The following SLC35A3 variants were observed in gnomAD, a reference collection of about 807,000 sequenced individuals.
The protein encoded by SLC35A3 is solute carrier family 35 member A3.
A neutral mutation model predicts 39.0 loss-of-function variants in SLC35A3; 26 were observed. That is an observed-to-expected ratio of 0.67 (90% CI 0.49 to 0.92). The LOEUF (loss-of-function observed/expected upper bound fraction) is 0.92, where lower values mean the gene tolerates loss of function less well. SLC35A3 is among the 40% of genes least tolerant of loss of function. The probability of loss-of-function intolerance (pLI) is 0.00; values close to 1 mark genes in which losing one functional copy is unlikely to be tolerated. For synonymous variants in SLC35A3, 135 were observed against 133.1 expected (o/e 1.01, Z -0.10); for missense variants, 299 against 371.6 (o/e 0.80, Z 1.61).
chr1:100,018,589 G>A (rs1197010030), intron 7 of SLC35A3, among the ~76,000 whole-genome samples: 1 of 152,026 alleles, frequency 6.6e-6, no homozygotes, highest in Non-Finnish European at 1.5e-5. Flanking sequence ...CAGTGCAGTG[G>A]CGTGATCGTA....
chr1:100,002,532 C>G (rs144884550), intron 3 of SLC35A3, among the ~76,000 whole-genome samples: 2,043 of 151,986 alleles, frequency 0.013, 18 homozygotes, highest in Middle Eastern at 0.058. Context: ...TTTTATTTAT[C>G]TTTTCATGAA....
chr1:99,983,780 G>A (rs1442175147), intron 1 of SLC35A3, among the ~76,000 whole-genome samples: 1 of 151,594 alleles, frequency 6.6e-6, no homozygotes, highest in Non-Finnish European at 1.5e-5. Flanking sequence ...CGCCCACCAC[G>A]CCTGGCTAAT....
At position 100,025,805 on chromosome 1, in the gene SLC35A3, T is replaced by C. The variant is rs1371523003; in HGVS notation, c.*3329T>C. The C allele has an allele frequency of 6.6e-6, 1 of 152,190 alleles. No individual in the cohort carries two copies. The highest frequency in any genetic ancestry group is 1.5e-5 in the Non-Finnish European group (1 of 68,012). 9.4% of individuals were successfully genotyped at this position (152,190 alleles called of 1,614,324 possible). A position where few individuals can be genotyped will look rare whatever the true frequency, so the allele number is the denominator to read the frequency against. On this transcript the variant is annotated 3_prime_UTR_variant, in exon 8 of 8. Transcript: ENST00000533028. Reference sequence around the variant, plus strand: ...TTTTTATTTGTTATCACGCAACTACTTTGTTCAATGTGAAAATGTGCTAAC... The same window carrying C: ...TTTTTATTTGTTATCACGCAACTACCTTGTTCAATGTGAAAATGTGCTAAC...
chr1:100,007,132 G>A lies in SLC35A3; in HGVS notation c.441G>A (p.Leu147=). The change falls in exon 4 of 8, where the codon TTG becomes TTA. Residue 147 remains leucine, a synonymous_variant. Coordinates refer to ENST00000533028, the MANE Select transcript of SLC35A3 (RefSeq NM_012243.3). ...ACCAGTGGCTGTCCCTAGTAATTTT[G>A]ATGACAGGAGTTGCTTTTGTACAGG... The part of the protein sequence containing the change: ...GVYQWLSLVI[L]MTGVAFVQWP... 1.2e-6 allele frequency: 2 copies of A among 1,610,716 alleles called. No homozygotes were observed. The highest frequency in any genetic ancestry group is 1.7e-6 in the Non-Finnish European group (2 of 1,178,418).
chr1:100,002,122 G>A lies in SLC35A3; in HGVS notation c.342+2707G>A, dbSNP rs548442231. ...TGGTTGTGATATCAGGGTAATGCTG[G>A]CCTCACAGGATGAGTTAGGAAAAAT... On this transcript the variant is annotated intron_variant, in intron 3 of 7. Coordinates refer to ENST00000533028, the MANE Select transcript of SLC35A3 (RefSeq NM_012243.3). Among the ~76,000 whole-genome samples the A allele has an allele frequency of 2.6e-5, 4 of 152,234 alleles. No individual in the cohort carries two copies. In the East Asian group the frequency reaches 7.7e-4, roughly 29 times the overall value.
rs1055414015 is a variant in SLC35A3 at position 100,022,532 on chromosome 1, A to G, written c.*56A>G. 29 of 881,502 alleles carry G rather than the reference A, an allele frequency of 3.3e-5. No individual in the cohort carries two copies. In the Admixed American group the frequency reaches 6.1e-4, roughly 19 times the overall value. The allele number at this position is 881,502 out of a possible 1,614,324, so 54.6% of individuals were successfully genotyped here. On this transcript the variant is annotated 3_prime_UTR_variant, in exon 8 of 8. Transcript: ENST00000533028. ...ATGGGGCACTAGGAATCTCGACATT[A>G]ATCTTGCACAGAGGACTTCTACAGA...
At chr1:99,990,442 C>T (rs370992943) in intron 1 of SLC35A3, among the ~76,000 whole-genome samples, 8 of 152,012 alleles carry the variant, frequency 5.3e-5, no homozygotes, top group African/African-American at 1.9e-4. Context: ...GGTGTGGTGG[C>T]GTGTGCTTGT....
chr1:100,002,222 C>A (rs1032163578), intron 3 of SLC35A3, among the ~76,000 whole-genome samples: 8 of 152,120 alleles, frequency 5.3e-5, no homozygotes, highest in Non-Finnish European at 1.0e-4. Context: ...CAGTAGAATT[C>A]AGAATTGAAG....
In SLC35A3 at chr1:100,025,523, TAGAC is replaced by T. The variant is rs1387338069; in HGVS notation, c.*3050_*3053del. 3.3e-5 allele frequency: 5 copies of T among 152,338 alleles called. No individual in the cohort carries two copies. The highest frequency in any genetic ancestry group is 1.9e-4 in the East Asian group (1 of 5,190). 9.4% of individuals were successfully genotyped at this position (152,338 alleles called of 1,614,324 possible). A position where few individuals can be genotyped will look rare whatever the true frequency, so the allele number is the denominator to read the frequency against. On this transcript the variant is annotated 3_prime_UTR_variant, in exon 8 of 8. Transcript: ENST00000533028. ...ATATATTTTCAAAGCACAATTTTAT[TAGAC>T]AGGCATAATTTACATTTTGCTTTTC...
intron 7 of SLC35A3, among the ~76,000 whole-genome samples, chr1:100,021,313 G>A (rs962178403): frequency 4.0e-5 from 6 of 151,340 alleles, no homozygotes; most frequent in Non-Finnish European, 8.9e-5. Context: ...GCAGTGAGCC[G>A]AGATCACACC....
At chr1:100,005,298 A>G (rs748071219) in intron 3 of SLC35A3, among the ~76,000 whole-genome samples, 2 of 152,160 alleles carry the variant, frequency 1.3e-5, no homozygotes, top group Non-Finnish European at 2.9e-5. Flanking sequence ...GGTAGAAAAA[A>G]GTATATATTT....
intron 1 of SLC35A3, among the ~76,000 whole-genome samples, chr1:99,988,405 T>C (rs997487792): frequency 6.6e-6 from 1 of 152,192 alleles, no homozygotes; most frequent in African/African-American, 2.4e-5. Flanking sequence ...TGTATGGATA[T>C]ACCACATAGG....
chr1:100,000,997 C>T (rs1027863345), intron 3 of SLC35A3, among the ~76,000 whole-genome samples: 4 of 151,910 alleles, frequency 2.6e-5, no homozygotes, highest in Non-Finnish European at 4.4e-5. Context: ...CTGGCACCTT[C>T]GTCAAAAATC....
Position 100,023,836 on chromosome 1 carries a change from G to T in SLC35A3, c.*1360G>T, listed in dbSNP as rs1231537726. On this transcript the variant is annotated 3_prime_UTR_variant, in exon 8 of 8. Coordinates refer to ENST00000533028, the MANE Select transcript of SLC35A3 (RefSeq NM_012243.3). ...ATCCTGACCAACATGGTGAAACCCCGTCTCTACCAAAAATACAAAAATTAG... is the reference window on the plus strand; with the variant it reads ...ATCCTGACCAACATGGTGAAACCCCTTCTCTACCAAAAATACAAAAATTAG... 1 of 152,136 alleles carries T rather than the reference G, an allele frequency of 6.6e-6. No individual in the cohort carries two copies. Among genetic ancestry groups the T allele is most frequent in the African/African-American group, 2.4e-5 (1 of 41,336 alleles). The allele number at this position is 152,136 out of a possible 1,614,324, so 9.4% of individuals were successfully genotyped here.
In SLC35A3 at chr1:100,007,020, G is replaced by A. The variant is rs377027140; in HGVS notation, c.343-14G>A. 1 of 1,588,574 alleles carries A rather than the reference G, an allele frequency of 6.3e-7. No homozygotes were observed. The highest frequency in any genetic ancestry group is 1.2e-5 in the South Asian group (1 of 86,226). On this transcript the variant is annotated splice_polypyrimidine_tract_variant and intron_variant, in intron 3 of 7. Coordinates refer to ENST00000533028, the MANE Select transcript of SLC35A3 (RefSeq NM_012243.3). ...ACAAACGAACATTAATAATATTACT[G>A]TTTTCTTTTTCAGGTCACGTATCAG...
chr1:99,970,430 T>C lies in SLC35A3; in HGVS notation c.-19+268T>C, dbSNP rs1570551899. 4.3e-6 allele frequency: 3 copies of C among 695,624 alleles called. No homozygotes were observed. In the Admixed American group the frequency reaches 7.9e-5, roughly 18 times the overall value. 43.1% of individuals were successfully genotyped at this position (695,624 alleles called of 1,614,324 possible). Reference sequence around the variant, plus strand: ...AGGAAAAAAGGCCCGAGGAGAGGGGTGTGTCAAGCGAATGAAGACGGCAGT... The same window carrying C: ...AGGAAAAAAGGCCCGAGGAGAGGGGCGTGTCAAGCGAATGAAGACGGCAGT... On this transcript the variant is annotated intron_variant, in intron 1 of 7. Transcript: ENST00000533028.
intron 1 of SLC35A3, among the ~76,000 whole-genome samples, chr1:99,978,040 G>GAAT (rs957950070): frequency 4.5e-4 from 69 of 152,288 alleles, no homozygotes; most frequent in African/African-American, 1.6e-3. Context: ...GAGTCAACTT[G>GAAT]AATAGTCTAG....
intron 1 of SLC35A3, among the ~76,000 whole-genome samples, chr1:99,979,766 G>A (rs991993031): frequency 6.6e-6 from 1 of 150,900 alleles, no homozygotes; most frequent in Non-Finnish European, 1.5e-5. Context: ...TTTCCAGGCC[G>A]GGTGCGGTGG....
chr1:100,015,081 C>A (rs367963997), intron 5 of SLC35A3, among the ~76,000 whole-genome samples: 5 of 148,228 alleles, frequency 3.4e-5, no homozygotes, highest in Admixed American at 2.7e-4. Context: ...TTGCTTGAAC[C>A]TGGGAGGTGG....
Sources: gnomAD v4.1 joint callset for allele counts (sites outside exome capture counted in the v4.1 genomes callset) on GRCh38, gnomAD v4.1.1 for gene constraint, MANE v1.5 for transcripts, NCBI Gene and HGNC (gene_info 2026-07-23, HGNC 2026-07-21) for gene names.